DNAH7: variants seen among roughly 807,000 people sequenced by gnomAD.
The protein encoded by DNAH7 is axonemal beta dynein heavy chain 7.
DNAH7 carries 397 observed loss-of-function variants against 444.6 expected under a neutral mutation model. That is an observed-to-expected ratio of 0.89 (90% CI 0.82 to 0.97). The LOEUF is 0.97. Among genes scored for constraint, DNAH7 ranks in the 50% least tolerant of loss-of-function variants. The probability of loss-of-function intolerance (pLI) is 0.00; values close to 1 mark genes in which losing one functional copy is unlikely to be tolerated. For missense variants in DNAH7, 4,902 were observed against 4,800.8 expected (o/e 1.02, Z -0.62); for synonymous variants, 1,636 against 1,624.4 (o/e 1.01, Z -0.17).
At chr2:195,901,598 G>C (rs1686712252) in intron 27 of DNAH7, 2 of 152,084 alleles carry the variant, frequency 1.3e-5, no homozygotes, top group Non-Finnish European at 2.9e-5. Context: ...CTGGGCTGCT[G>C]AGTGTCCCCA....
At chr2:196,015,139 G>A (rs966960735) in intron 9 of DNAH7, among the ~76,000 whole-genome samples, 2 of 151,988 alleles carry the variant, frequency 1.3e-5, no homozygotes, top group African/African-American at 4.8e-5. Flanking sequence ...GATAGGTATG[G>A]CTAGGATTCC....
Position 195,824,487 on chromosome 2 carries a change from T to C in DNAH7, c.9101-42A>G, listed in dbSNP as rs748913758. On this transcript the variant is annotated intron_variant, in intron 48 of 64. Coordinates refer to ENST00000312428, the MANE Select transcript of DNAH7 (RefSeq NM_018897.3). ...AAAGATTTCATGTTATTTTAAATAT[T>C]GACTATAAATATTATAAATATTCAA... is the stretch of plus-strand genomic sequence containing the variant. The C allele has an allele frequency of 2.0e-6, 3 of 1,489,614 alleles. No homozygotes were observed. In the South Asian group the frequency reaches 4.0e-5, roughly 20 times the overall value. 92.3% of individuals were successfully genotyped at this position (1,489,614 alleles called of 1,614,324 possible).
intron 31 of DNAH7, among the ~76,000 whole-genome samples, chr2:195,889,892 C>T (rs1181908783): frequency 9.2e-5 from 14 of 152,084 alleles, no homozygotes. Context: ...CATTCACAGT[C>T]CCACAATGAT....
intron 60 of DNAH7, among the ~76,000 whole-genome samples, chr2:195,773,355 T>C (rs1170551925): frequency 6.6e-6 from 1 of 151,820 alleles, no homozygotes; most frequent in Non-Finnish European, 1.5e-5. Context: ...AGTATTTTGG[T>C]GTGCATAAAA....
intron 48 of DNAH7, among the ~76,000 whole-genome samples, chr2:195,828,626 T>C (rs1408718376): frequency 1.4e-5 from 2 of 139,706 alleles, no homozygotes; most frequent in South Asian, 2.3e-4. Context: ...TTTTTTTTTT[T>C]CTATTGCATA....
chr2:196,045,067 A>T lies in DNAH7; in HGVS notation c.398+2285T>A, dbSNP rs1410479306. Among the ~76,000 whole-genome samples the T allele has an allele frequency of 2.6e-5, 4 of 151,774 alleles. No homozygotes were observed. In the East Asian group the frequency reaches 7.7e-4, roughly 29 times the overall value. On this transcript the variant is annotated intron_variant, in intron 5 of 64. Coordinates refer to ENST00000312428, the MANE Select transcript of DNAH7 (RefSeq NM_018897.3). Reference sequence around the variant, plus strand: ...GGGCAAGAGGATGAGATTCTGTCTCAAAAAAGAGAGGGAGAGAAGAAAAGA... The same window carrying T: ...GGGCAAGAGGATGAGATTCTGTCTCTAAAAAGAGAGGGAGAGAAGAAAAGA...
At chr2:196,014,891 A>G (rs774975789) in intron 9 of DNAH7, among the ~76,000 whole-genome samples, 18 of 152,218 alleles carry the variant, frequency 1.2e-4, no homozygotes, top group Non-Finnish European at 2.1e-4. Context: ...TTTCATATTA[A>G]CACATCGAGA....
At chr2:195,852,355 C>T (rs1001038216) in intron 46 of DNAH7, among the ~76,000 whole-genome samples, 1 of 151,854 alleles carries the variant, frequency 6.6e-6, no homozygotes, top group Admixed American at 6.6e-5. Context: ...CAATTGAGAC[C>T]ACGTGTAAGC....
intron 30 of DNAH7, chr2:195,893,612 T>A (rs1450373915): frequency 6.6e-6 from 1 of 152,016 alleles, no homozygotes; most frequent in Admixed American, 6.6e-5. Flanking sequence ...TAACAATGTA[T>A]CTTCCTAAAT....
chr2:195,941,969 C>T (rs1689480034), intron 19 of DNAH7, among the ~76,000 whole-genome samples: 1 of 152,024 alleles, frequency 6.6e-6, no homozygotes, highest in Non-Finnish European at 1.5e-5. Context: ...ACTCATTTAA[C>T]AAACATTTAC....
chr2:195,785,340 T>C (rs1695567936), intron 58 of DNAH7, among the ~76,000 whole-genome samples: 1 of 152,188 alleles, frequency 6.6e-6, no homozygotes, highest in Non-Finnish European at 1.5e-5. Context: ...TCTGTGTGTG[T>C]GTGTGTTTTT....
Position 196,068,807 on chromosome 2 carries a change from G to T in DNAH7, c.-96C>A. ...GAGGCAGGGCCCCGGGACTTGCAGC[G>T]GTCTCAGCTCCCTCCGCACCAGAGC... On this transcript the variant is annotated 5_prime_UTR_variant, in exon 1 of 65. Coordinates refer to ENST00000312428, the MANE Select transcript of DNAH7 (RefSeq NM_018897.3). 1.4e-6 allele frequency: 2 copies of T among 1,478,180 alleles called. No homozygotes were observed. Among genetic ancestry groups the T allele is most frequent in the Middle Eastern group, 2.3e-4 (1 of 4,300 alleles). The allele number at this position is 1,478,180 out of a possible 1,614,324, so 91.6% of individuals were successfully genotyped here. A position where few individuals can be genotyped will look rare whatever the true frequency, so the allele number is the denominator to read the frequency against.
In DNAH7 at chr2:195,900,399, C is replaced by G. The variant is rs1028231; in HGVS notation, c.4431G>C (p.Leu1477=). 9.8e-5 allele frequency: 158 copies of G among 1,614,006 alleles called. No individual in the cohort carries two copies. The East Asian group carries it at 1.5e-3, about 15-fold the overall frequency. Residue 1477 remains leucine, a synonymous_variant, in exon 28 of 65, where the codon CTG becomes CTC. Transcript: ENST00000312428. ...YSCGFVTARP[L]SVKIVATYRL... is the part of the protein sequence containing the mutation. ...GATACGTAGCCACAATTTTTACAGA[C>G]AGTGGTCGAGCAGTGACAAACCCAC...
At chr2:195,820,989 G>T (rs1470212274) in intron 49 of DNAH7, among the ~76,000 whole-genome samples, 1 of 152,134 alleles carries the variant, frequency 6.6e-6, no homozygotes, top group Non-Finnish European at 1.5e-5. Context: ...AAAAGATGTT[G>T]TCTGCATGCA....
At chr2:195,912,032 C>T (rs1031041427) in intron 24 of DNAH7, among the ~76,000 whole-genome samples, 4 of 152,102 alleles carry the variant, frequency 2.6e-5, no homozygotes, top group African/African-American at 9.7e-5. Context: ...ACAATAAATA[C>T]CATCTCATCT....
chr2:195,758,338 AAC>A (rs1203202589), intron 61 of DNAH7, among the ~76,000 whole-genome samples: 1 of 152,218 alleles, frequency 6.6e-6, no homozygotes, highest in Non-Finnish European at 1.5e-5. Context: ...TCAACTTCTA[AAC>A]ACAAAAAAGA....
At chr2:196,028,845 A>G (rs1293885690) in intron 5 of DNAH7, among the ~76,000 whole-genome samples, 1 of 152,186 alleles carries the variant, frequency 6.6e-6, no homozygotes. Flanking sequence ...CTCGAGGTTC[A>G]TTGAGTATAT....
At chr2:195,773,534 A>G (rs2105943949) in intron 60 of DNAH7, among the ~76,000 whole-genome samples, 1 of 152,294 alleles carries the variant, frequency 6.6e-6, no homozygotes, top group Admixed American at 6.5e-5. Context: ...TCACATGATT[A>G]CGGTGATAGG....
chr2:196,017,605 T>C (rs892887248), intron 9 of DNAH7, among the ~76,000 whole-genome samples: 10 of 151,998 alleles, frequency 6.6e-5, no homozygotes, highest in South Asian at 6.2e-4. Flanking sequence ...AAGAAAAAAA[T>C]AGAGAATCCA....
Sources: gnomAD v4.1 joint callset for allele counts (sites outside exome capture counted in the v4.1 genomes callset) on GRCh38, gnomAD v4.1.1 for gene constraint, MANE v1.5 for transcripts, NCBI Gene and HGNC (gene_info 2026-07-23, HGNC 2026-07-21) for gene names.